The following BBOF1 variants were observed in gnomAD, a reference collection of about 807,000 sequenced individuals.
BBOF1 encodes basal body orientation factor 1.
Under a neutral mutation model 68.0 loss-of-function variants are expected in BBOF1, and 62 were observed. The observed-to-expected ratio is 0.91, with a 90% CI of 0.74 to 1.13. BBOF1 has a LOEUF of 1.13. Ranked by LOEUF, BBOF1 falls within the 50% of genes most tolerant of loss-of-function variation. BBOF1 has a pLI of 0.00. For synonymous variants in BBOF1, 208 were observed against 198.8 expected, an observed-to-expected ratio of 1.05 and a Z score of -0.39; for missense variants, 534 against 600.1, an observed-to-expected ratio of 0.89 and a Z score of 1.15.
chr14:74,044,565 C>T (rs1367839666), intron 5 of BBOF1, among the ~76,000 whole-genome samples: 3 of 150,714 alleles, frequency 2.0e-5, no homozygotes, highest in African/African-American at 4.9e-5. Context: ...CAGTCTCATA[C>T]AATCCTCCTG....
intron 10 of BBOF1, among the ~76,000 whole-genome samples, chr14:74,079,280 C>T (rs565451434): frequency 5.7e-4 from 86 of 151,260 alleles, no homozygotes; most frequent in Non-Finnish European, 1.1e-3. Context: ...AATTTGAGAC[C>T]TGCCTGCACT....
intron 3 of BBOF1, among the ~76,000 whole-genome samples, 156 bp from the exon 4 acceptor site, chr14:74,033,872 A>C (rs1361505166): frequency 6.6e-6 from 1 of 151,698 alleles, no homozygotes; most frequent in African/African-American, 2.4e-5. Context: ...TCTCAAAATA[A>C]ATAAATAAAA....
At chr14:74,053,102 C>T (rs2060105995) in intron 8 of BBOF1, among the ~76,000 whole-genome samples, 1 of 151,638 alleles carries the variant, frequency 6.6e-6, no homozygotes, top group Admixed American at 6.6e-5. Context: ...AAAACCTAGA[C>T]TTTTTAATTT....
chr14:74,045,010 A>G (rs771381907), intron 5 of BBOF1, among the ~76,000 whole-genome samples: 4 of 152,164 alleles, frequency 2.6e-5, no homozygotes, highest in Non-Finnish European at 4.4e-5. Flanking sequence ...CTAGGATTAC[A>G]AACATGAGCG....
rs4646866 is a variant in BBOF1 at position 74,059,485 on chromosome 14, C to G, written c.1578+2227C>G. ...CCGAGGCAGGCGGATCACCTGAGGT[C>G]AGGAGTTCGAGACCAGCCTGACCAA... On this transcript the variant is annotated intron_variant, in intron 11 of 11. Coordinates refer to ENST00000394009, the MANE Select transcript of BBOF1 (RefSeq NM_025057.3). 105,453 of 432,008 alleles carry G rather than the reference C, an allele frequency of 0.24. 15,441 individuals carry two copies. The highest frequency in any genetic ancestry group is 0.45 in the South Asian group (27,629 of 60,880). The allele number at this position is 432,008 out of a possible 1,614,324, so 26.8% of individuals were successfully genotyped here.
intron 8 of BBOF1, among the ~76,000 whole-genome samples, chr14:74,053,880 T>C (rs2060124226): frequency 6.6e-6 from 1 of 151,514 alleles, no homozygotes; most frequent in Non-Finnish European, 1.5e-5. Flanking sequence ...TCTGGCTGAT[T>C]TTCTTTTTTT....
chr14:74,064,827 T>A lies in BBOF1; in HGVS notation c.*128T>A. ...AAATTTAACTCAAAAGTTACCTGTT[T>A]GCCATAGAAATTGGTGTCTCCCCTG... On this transcript the variant is annotated 3_prime_UTR_variant, in exon 12 of 12. Coordinates refer to ENST00000394009, the MANE Select transcript of BBOF1 (RefSeq NM_025057.3). The A allele has an allele frequency of 6.2e-7, 1 of 1,614,050 alleles. No individual in the cohort carries two copies. The highest frequency in any genetic ancestry group is 8.5e-7 in the Non-Finnish European group (1 of 1,179,918).
intron 1 of BBOF1, 36 bp downstream of exon 1, chr14:74,019,570 G>A: frequency 6.4e-7 from 1 of 1,562,008 alleles, no homozygotes; most frequent in South Asian, 1.2e-5. Context: ...CCTCTCCCTG[G>A]GCCTGCCTGG....
chr14:74,056,690 T>A (rs995553342), intron 9 of BBOF1, among the ~76,000 whole-genome samples: 2 of 152,146 alleles, frequency 1.3e-5, no homozygotes, highest in Admixed American at 1.3e-4. Context: ...ACACAAGGGA[T>A]AAATACTTGA....
intron 11 of BBOF1, chr14:74,058,717 GC>G: frequency 6.6e-6 from 1 of 152,200 alleles, no homozygotes; most frequent in South Asian, 2.1e-4. Context: ...GATTGGTACT[GC>G]AAAAAGAATC....
intron 6 of BBOF1, among the ~76,000 whole-genome samples, chr14:74,047,395 C>T (rs1017698034): frequency 2.0e-5 from 3 of 148,742 alleles, no homozygotes; most frequent in Admixed American, 6.8e-5. Flanking sequence ...AGAAGTAACC[C>T]GTCCTTTTTC....
chr14:74,059,141 C>A, intron 11 of BBOF1: 1 of 173,378 alleles, frequency 5.8e-6, no homozygotes. Flanking sequence ...CAGAAGAAGA[C>A]TGTCAAAGCA....
chr14:74,075,222 T>C (rs1003210411), intron 9 of BBOF1, among the ~76,000 whole-genome samples: 3 of 152,172 alleles, frequency 2.0e-5, no homozygotes, highest in African/African-American at 7.2e-5. Flanking sequence ...ATGTCCTATA[T>C]TTCCAGGATA....
intron 8 of BBOF1, 45 bp from the exon 9 acceptor site, chr14:74,055,539 A>G (rs553276579): frequency 2.4e-6 from 3 of 1,234,586 alleles, no homozygotes; most frequent in East Asian, 2.3e-5. Flanking sequence ...AGCCTATTTG[A>G]CCGTATTTTT....
At chr14:74,029,161 C>T (rs2059505548) in intron 2 of BBOF1, 23 bp from the exon 3 acceptor site, 1 of 1,472,870 alleles carries the variant, frequency 6.8e-7, no homozygotes. Flanking sequence ...ATCTTCATGA[C>T]CCTGTATTTT....
downstream of BBOF1, chr14:74,067,442 C>G: frequency 6.2e-7 from 1 of 1,614,136 alleles, no homozygotes; most frequent in Non-Finnish European, 8.5e-7. Flanking sequence ...CTTGGCTTCT[C>G]CCACAAGGAC....
rs1441796003 is a variant in BBOF1 at position 74,050,067 on chromosome 14, A to G, written c.1158A>G (p.Gln386=). ...GGAAGCATTATAAGCAGATAGCACAAGCTGCTTTCAATTTAAAAATGAGAG... is the reference window on the plus strand; with the variant it reads ...GGAAGCATTATAAGCAGATAGCACAGGCTGCTTTCAATTTAAAAATGAGAG... ...ISRKHYKQIA[Q]AAFNLKMRAA... The change falls in exon 8 of 12, where the codon CAA becomes CAG. Residue 386 remains glutamine, a synonymous_variant. Coordinates refer to ENST00000394009, the MANE Select transcript of BBOF1 (RefSeq NM_025057.3). 9 of 1,613,980 alleles carry G rather than the reference A, an allele frequency of 5.6e-6. No homozygotes were observed. Among genetic ancestry groups the G allele is most frequent in the Non-Finnish European group, 5.9e-6 (7 of 1,180,004 alleles).
chr14:74,076,362 T>C (rs1230788527), intron 9 of BBOF1, among the ~76,000 whole-genome samples: 1 of 152,164 alleles, frequency 6.6e-6, no homozygotes, highest in African/African-American at 2.4e-5. Flanking sequence ...GTATATATGT[T>C]ATCAAAGTTG....
rs753348276 is a variant in BBOF1 at position 74,050,098 on chromosome 14, T to A, written c.1189T>A (p.Cys397Ser). 4 of 1,613,524 alleles carry A rather than the reference T, an allele frequency of 2.5e-6. No individual in the cohort carries two copies. Among genetic ancestry groups the A allele is most frequent in the Non-Finnish European group, 3.4e-6 (4 of 1,179,766 alleles). Residue 397 changes from cysteine to serine, a missense_variant, in exon 8 of 12, where the codon TGT becomes AGT. Physicochemically the swap from Cys to Ser is moderately radical, Grantham distance 112. Transcript: ENST00000394009. The part of the protein sequence containing the change: ...AAFNLKMRAA[C>S]TGRTEYPKIR... ...TTTCAATTTAAAAATGAGAGCAGCA[T>A]GTACAGGAAGAACAGAATATCCCAA...
Sources: gnomAD v4.1 joint callset for allele counts (sites outside exome capture counted in the v4.1 genomes callset) on GRCh38, gnomAD v4.1.1 for gene constraint, MANE v1.5 for transcripts, NCBI Gene and HGNC (gene_info 2026-07-23, HGNC 2026-07-21) for gene names.